The following ADGRB3 variants were observed in gnomAD, a reference collection of about 807,000 sequenced individuals.
ADGRB3 encodes brain-specific angiogenesis inhibitor 3.
A neutral mutation model predicts 193.4 loss-of-function variants in ADGRB3; 37 were observed. The observed-to-expected ratio is 0.19, with a 90% CI of 0.15 to 0.25. The LOEUF (loss-of-function observed/expected upper bound fraction) is 0.25, where lower values mean the gene tolerates loss of function less well. ADGRB3 is among the 10% of genes least tolerant of loss of function. The pLI is 1.00. For missense variants in ADGRB3, 1,637 were observed against 1,852.9 expected (o/e 0.88, Z 2.14); for synonymous variants, 690 against 644.2 (o/e 1.07, Z -1.08).
intron 3 of ADGRB3, among the ~76,000 whole-genome samples, chr6:68,698,702 G>A (rs1765194142): frequency 6.6e-6 from 1 of 152,008 alleles, no homozygotes; most frequent in Non-Finnish European, 1.5e-5. Context: ...AGATTAAAAT[G>A]TGGTTTAGTG....
intron 3 of ADGRB3, among the ~76,000 whole-genome samples, chr6:68,861,548 C>T (rs1025989868): frequency 6.6e-5 from 10 of 151,798 alleles, no homozygotes; most frequent in Non-Finnish European, 5.9e-5. Flanking sequence ...GGCAACAGAG[C>T]GAGACTCCAT....
chr6:69,271,780 AAATGTTATAGTT>A (rs1767187096), intron 20 of ADGRB3, among the ~76,000 whole-genome samples: 1 of 152,142 alleles, frequency 6.6e-6, no homozygotes, highest in African/African-American at 2.4e-5. Flanking sequence ...TTACAGGATG[AAATGTTATAGTT>A]AATATTTGTT....
At chr6:69,153,502 A>G (rs536790765) in intron 17 of ADGRB3, among the ~76,000 whole-genome samples, 5 of 152,194 alleles carry the variant, frequency 3.3e-5, no homozygotes, top group Non-Finnish European at 5.9e-5. Flanking sequence ...CCAAAATGCT[A>G]TAAGTCCCTT....
intron 3 of ADGRB3, among the ~76,000 whole-genome samples, chr6:68,811,568 A>G (rs1001985338): frequency 3.3e-5 from 5 of 152,014 alleles, no homozygotes; most frequent in Non-Finnish European, 5.9e-5. Context: ...TCCCATGTTC[A>G]AGCAATTCTT....
At chr6:69,060,194 CTCTCTTTCTCTGTCTCTCTCTCTCTT>C (rs1232084209) in intron 15 of ADGRB3, among the ~76,000 whole-genome samples, 1 of 148,970 alleles carries the variant, frequency 6.7e-6, no homozygotes, top group Non-Finnish European at 1.5e-5. Context: ...CTTTCTCTCT[CTCTCTTTCTCTGTCTCTCTCTCTCTT>C]TCTCTCTCTC....
chr6:69,045,348 T>C (rs533681430), intron 13 of ADGRB3, among the ~76,000 whole-genome samples: 1 of 152,284 alleles, frequency 6.6e-6, no homozygotes, highest in South Asian at 2.1e-4. Flanking sequence ...GAGGTAAATA[T>C]GTATAACTTT....
chr6:68,857,116 G>A (rs113549091), intron 3 of ADGRB3, among the ~76,000 whole-genome samples: 19 of 152,304 alleles, frequency 1.2e-4, no homozygotes, highest in African/African-American at 2.4e-4. Context: ...TGGAAATGCC[G>A]GATGACCAGG....
chr6:69,085,565 A>G (rs547453432), intron 17 of ADGRB3, among the ~76,000 whole-genome samples: 16 of 151,562 alleles, frequency 1.1e-4, no homozygotes, highest in African/African-American at 2.7e-4. Context: ...AATGACTCAG[A>G]CTAATTTTTT....
intron 17 of ADGRB3, among the ~76,000 whole-genome samples, chr6:69,174,040 A>C (rs976301758): frequency 5.4e-5 from 8 of 147,168 alleles, no homozygotes; most frequent in Admixed American, 1.4e-4. Flanking sequence ...TAAAACCCTC[A>C]TTGTTTTAAA....
Position 68,661,441 on chromosome 6 carries a change from A to G in ADGRB3, c.757+22009A>G, listed in dbSNP as rs1480753598. 8.7e-5 allele frequency among the ~76,000 whole-genome samples: 10 copies of G among 114,692 alleles called. 1 individual carries two copies. Among genetic ancestry groups the G allele is most frequent in the South Asian group, 3.0e-4 (1 of 3,316 alleles). 75.2% of individuals were successfully genotyped at this position (114,692 alleles called of 152,430 possible). ...TATATATATGTGTATACATATATAT[A>G]TGTGTGTATACATATATATGTGTGT... On this transcript the variant is annotated intron_variant, in intron 3 of 31. Transcript: ENST00000370598.
chr6:69,231,412 C>T (rs1766133298), intron 17 of ADGRB3, among the ~76,000 whole-genome samples: 1 of 152,210 alleles, frequency 6.6e-6, no homozygotes, highest in Admixed American at 6.5e-5. Context: ...CACTTGAAAG[C>T]ATATGTACTG....
At chr6:68,992,284 G>A (rs528694067) in intron 10 of ADGRB3, among the ~76,000 whole-genome samples, 82 of 152,208 alleles carry the variant, frequency 5.4e-4, no homozygotes, top group Admixed American at 1.4e-3. Flanking sequence ...GTCATGAAAC[G>A]CATGACCTGA....
intron 3 of ADGRB3, among the ~76,000 whole-genome samples, chr6:68,692,686 A>G (rs1765095442): frequency 6.6e-6 from 1 of 151,794 alleles, no homozygotes; most frequent in African/African-American, 2.4e-5. Context: ...AATATCCCTA[A>G]GGCTTCCTTT....
chr6:69,029,976 G>A (rs1280261009), intron 13 of ADGRB3, among the ~76,000 whole-genome samples: 2 of 145,196 alleles, frequency 1.4e-5, no homozygotes, highest in African/African-American at 2.6e-5. Flanking sequence ...TATATAGAAT[G>A]CACACACACA....
intron 3 of ADGRB3, among the ~76,000 whole-genome samples, chr6:68,853,340 G>T (rs571424986): frequency 6.6e-6 from 1 of 151,940 alleles, no homozygotes; most frequent in Admixed American, 6.6e-5. Flanking sequence ...GTTTTCAAAA[G>T]ATTTTAAAGC....
intron 3 of ADGRB3, among the ~76,000 whole-genome samples, chr6:68,859,050 G>T (rs1765073630): frequency 6.7e-6 from 1 of 150,152 alleles, no homozygotes; most frequent in African/African-American, 2.4e-5. Flanking sequence ...AAACTTTTGT[G>T]CTCTGTCACC....
intron 17 of ADGRB3, among the ~76,000 whole-genome samples, chr6:69,085,345 C>G (rs924087560): frequency 6.6e-6 from 1 of 151,974 alleles, no homozygotes; most frequent in South Asian, 2.1e-4. Context: ...TTTCAGGAGA[C>G]CTTTACACAA....
chr6:69,008,012 G>T (rs1194845031), intron 11 of ADGRB3, among the ~76,000 whole-genome samples: 2 of 152,084 alleles, frequency 1.3e-5, no homozygotes. Flanking sequence ...ACAGAAGGGT[G>T]TGTTAGCCAA....
At chr6:69,273,614 T>C (rs2127280430) in intron 20 of ADGRB3, among the ~76,000 whole-genome samples, 1 of 152,358 alleles carries the variant, frequency 6.6e-6, no homozygotes, top group East Asian at 1.9e-4. Flanking sequence ...TCATTTTCTT[T>C]GTAGGTCCAT....
Sources: gnomAD v4.1 joint callset for allele counts (sites outside exome capture counted in the v4.1 genomes callset) on GRCh38, gnomAD v4.1.1 for gene constraint, MANE v1.5 for transcripts, NCBI Gene and HGNC (gene_info 2026-07-23, HGNC 2026-07-21) for gene names.